SEMA3D: variants seen among roughly 807,000 people sequenced by gnomAD.
SEMA3D encodes the protein semaphorin 3D.
In SEMA3D, 84 loss-of-function variants were observed where a neutral mutation model predicts 100.1. That is an observed-to-expected ratio of 0.84 (90% CI 0.70 to 1.01). SEMA3D has a LOEUF of 1.01. SEMA3D is among the 50% of genes least tolerant of loss of function. The pLI, the probability that SEMA3D is intolerant of heterozygous loss-of-function variation, is 0.00. For missense variants in SEMA3D, 875 were observed against 934.1 expected (o/e 0.94, Z 0.82); for synonymous variants, 312 against 320.7 (o/e 0.97, Z 0.29).
chr7:85,193,519 G>C, the SEMA3D span, among the ~76,000 whole-genome samples: 2 of 152,118 alleles, frequency 1.3e-5, no homozygotes, highest in African/African-American at 2.4e-5. Context: ...CTAACCTGCT[G>C]GGATTTTATC....
chr7:85,025,329 C>A (rs1411394047), intron 12 of SEMA3D, among the ~76,000 whole-genome samples: 1 of 151,902 alleles, frequency 6.6e-6, no homozygotes, highest in Non-Finnish European at 1.5e-5. Context: ...GAAAATAGAA[C>A]CTGCCTAGAC....
At chr7:85,200,286 T>C in the SEMA3D span, among the ~76,000 whole-genome samples, 3 of 152,192 alleles carry the variant, frequency 2.0e-5, no homozygotes, top group African/African-American at 7.2e-5. Flanking sequence ...GTTTGGAACT[T>C]CCTAGAGACT....
intron 4 of SEMA3D, among the ~76,000 whole-genome samples, chr7:85,094,865 T>A (rs1354725360): frequency 6.6e-6 from 1 of 151,996 alleles, no homozygotes; most frequent in Non-Finnish European, 1.5e-5. Flanking sequence ...AGGTGTCACA[T>A]CCTTGCAATG....
intron 4 of SEMA3D, among the ~76,000 whole-genome samples, chr7:85,091,198 G>A (rs1225589613): frequency 6.7e-6 from 1 of 148,296 alleles, no homozygotes; most frequent in Non-Finnish European, 1.5e-5. Flanking sequence ...AGAGAAGGAG[G>A]GAGGGAGGGA....
chr7:85,171,008 AT>A (rs1454124034), intron 1 of SEMA3D, among the ~76,000 whole-genome samples: 38 of 152,046 alleles, frequency 2.5e-4, no homozygotes, highest in Non-Finnish European at 7.4e-5. Context: ...CTATCTCAAT[AT>A]ATAAGTATAC....
chr7:85,159,115 C>T (rs1365574504), intron 1 of SEMA3D, among the ~76,000 whole-genome samples: 2 of 152,092 alleles, frequency 1.3e-5, no homozygotes, highest in Non-Finnish European at 2.9e-5. Flanking sequence ...TTATCTTAGA[C>T]CCTGATATTC....
intron 2 of SEMA3D, among the ~76,000 whole-genome samples, chr7:85,145,923 C>A (rs758787279): frequency 3.3e-5 from 5 of 152,078 alleles, no homozygotes; most frequent in Non-Finnish European, 7.4e-5. Flanking sequence ...CTTATAAAAC[C>A]TAACACAATG....
chr7:85,059,026 CACT>C (rs1791403725), intron 8 of SEMA3D, among the ~76,000 whole-genome samples: 1 of 152,040 alleles, frequency 6.6e-6, no homozygotes, highest in Admixed American at 6.5e-5. Context: ...ATGATTTTTC[CACT>C]GACTTGATAT....
intron 8 of SEMA3D, among the ~76,000 whole-genome samples, chr7:85,063,214 A>G (rs1392058226): frequency 1.3e-5 from 2 of 152,164 alleles, no homozygotes; most frequent in African/African-American, 2.4e-5. Flanking sequence ...ACCATTCAGG[A>G]ATTAAGCACA....
chr7:85,044,069 A>C (rs1204260275), intron 9 of SEMA3D, among the ~76,000 whole-genome samples: 5 of 151,944 alleles, frequency 3.3e-5, no homozygotes, highest in African/African-American at 1.2e-4. Flanking sequence ...TTTATATTTA[A>C]GTATAAATTA....
chr7:85,001,349 T>G (rs1789648910), intron 18 of SEMA3D, among the ~76,000 whole-genome samples: 1 of 152,196 alleles, frequency 6.6e-6, no homozygotes, highest in Admixed American at 6.5e-5. Flanking sequence ...TCTTATGGAT[T>G]TATTCTTAAA....
intron 12 of SEMA3D, among the ~76,000 whole-genome samples, chr7:85,023,305 A>C (rs1790306026): frequency 6.6e-6 from 1 of 151,886 alleles, no homozygotes; most frequent in African/African-American, 2.4e-5. Flanking sequence ...AAATGGTTCA[A>C]ATCAAATGAA....
At chr7:85,226,478 C>A in the SEMA3D span, among the ~76,000 whole-genome samples, 1 of 152,068 alleles carries the variant, frequency 6.6e-6, no homozygotes, top group African/African-American at 2.4e-5. Context: ...CCCCCTTTTT[C>A]ACTTAAATAT....
the SEMA3D span, among the ~76,000 whole-genome samples, chr7:85,204,698 A>G: frequency 5.3e-5 from 8 of 152,200 alleles, no homozygotes; most frequent in South Asian, 1.7e-3. Flanking sequence ...AGAGGCTTTT[A>G]GAAGTACAGA....
intron 2 of SEMA3D, among the ~76,000 whole-genome samples, chr7:85,131,097 G>T (rs1234306274): frequency 1.3e-5 from 2 of 151,948 alleles, no homozygotes; most frequent in Non-Finnish European, 2.9e-5. Flanking sequence ...TATTCAATTT[G>T]TCTTAATTTT....
At chr7:85,249,910 T>A in the SEMA3D span, among the ~76,000 whole-genome samples, 2 of 152,038 alleles carry the variant, frequency 1.3e-5, no homozygotes, top group Non-Finnish European at 2.9e-5. Flanking sequence ...GCTCCCAGCG[T>A]GAGCGACGCA....
intron 17 of SEMA3D, among the ~76,000 whole-genome samples, chr7:85,009,341 T>C (rs1789888820): frequency 6.6e-6 from 1 of 151,764 alleles, no homozygotes; most frequent in Non-Finnish European, 1.5e-5. Context: ...AATCATGCAA[T>C]TTTGTAGCTT....
At chr7:85,118,547 C>T (rs55945517) in intron 3 of SEMA3D, among the ~76,000 whole-genome samples, 3,309 of 152,012 alleles carry the variant, frequency 0.022, 110 homozygotes, top group African/African-American at 0.075. Context: ...CCTTTTGAGA[C>T]TTAGTTTCAT....
At chr7:85,231,369 T>C in the SEMA3D span, among the ~76,000 whole-genome samples, 1 of 151,718 alleles carries the variant, frequency 6.6e-6, no homozygotes, top group African/African-American at 2.4e-5. Context: ...TTAGAAAGCA[T>C]CCAAGTGTTG....
Sources: allele counts gnomAD v4.1 joint callset (sites outside exome capture counted in the v4.1 genomes callset), GRCh38; gene constraint gnomAD v4.1.1; transcripts MANE v1.5; gene names NCBI Gene and HGNC (gene_info 2026-07-23, HGNC 2026-07-21).